The following KCNU1 variants were observed in gnomAD, a reference collection of about 807,000 sequenced individuals.
KCNU1 encodes potassium channel subfamily U member 1.
Under a neutral mutation model 126.8 loss-of-function variants are expected in KCNU1, and 93 were observed. The ratio of observed to expected loss-of-function variants is 0.73; its 90% CI spans 0.62 to 0.87. The LOEUF (loss-of-function observed/expected upper bound fraction) is 0.87. Ranked by LOEUF, KCNU1 falls within the 40% of genes least tolerant of loss-of-function variation. The pLI is 0.00. For missense variants in KCNU1, 1,330 were observed against 1,367.1 expected (o/e 0.97, Z 0.43); for synonymous variants, 523 against 494.2 (o/e 1.06, Z -0.77).
At chr8:36,788,335 G>A (rs1394403493) in intron 2 of KCNU1, among the ~76,000 whole-genome samples, 2 of 152,084 alleles carry the variant, frequency 1.3e-5, no homozygotes, top group Admixed American at 6.5e-5. Flanking sequence ...GTGAGCTCCT[G>A]TCTAGACTAT....
chr8:36,921,306 A>C (rs1808335874), intron 23 of KCNU1, among the ~76,000 whole-genome samples: 1 of 152,178 alleles, frequency 6.6e-6, no homozygotes, highest in Non-Finnish European at 1.5e-5. Flanking sequence ...ACCTGAGCTC[A>C]GGAAACCAGA....
At chr8:36,805,066 TCTTAA>T (rs1012788085) in intron 3 of KCNU1, 124 bp from the exon 4 acceptor site, 46 of 603,204 alleles carry the variant, frequency 7.6e-5, no homozygotes, top group South Asian at 5.7e-4. Flanking sequence ...TTCCTTGAGA[TCTTAA>T]CTTAAGTGTC....
chr8:36,831,486 G>A (rs1055733446), intron 10 of KCNU1, among the ~76,000 whole-genome samples: 4 of 152,096 alleles, frequency 2.6e-5, no homozygotes, highest in Non-Finnish European at 5.9e-5. Flanking sequence ...TTGTGGTTTG[G>A]ATTTGCATTT....
intron 19 of KCNU1, among the ~76,000 whole-genome samples, chr8:36,866,517 A>C (rs1410132369): frequency 6.6e-6 from 1 of 152,288 alleles, no homozygotes. Flanking sequence ...GAAGTAGTTG[A>C]AGGAAAGGTC....
intron 2 of KCNU1, 77 bp from the exon 3 acceptor site, chr8:36,803,950 G>A: frequency 3.1e-6 from 3 of 970,784 alleles, no homozygotes; most frequent in Non-Finnish European, 4.8e-6. Context: ...ATGGTAAAAA[G>A]AGAAAACACA....
In KCNU1 at chr8:36,921,114, A is replaced by C. The variant is rs550037587; in HGVS notation, c.2597-1376A>C. ...CATGGATGCTGGCAGAAGATATAAGACTCCTGGATCAGAGACCAAAACAAA... is the reference window on the plus strand; with the variant it reads ...CATGGATGCTGGCAGAAGATATAAGCCTCCTGGATCAGAGACCAAAACAAA... On this transcript the variant is annotated intron_variant, in intron 23 of 26. Coordinates refer to ENST00000399881, the MANE Select transcript of KCNU1 (RefSeq NM_001031836.3). 2.5e-4 allele frequency among the ~76,000 whole-genome samples: 38 copies of C among 152,122 alleles called. No individual in the cohort carries two copies. The South Asian group carries it at 7.9e-3, about 32-fold the overall frequency.
intron 18 of KCNU1, among the ~76,000 whole-genome samples, chr8:36,859,656 A>G (rs898228614): frequency 2.0e-5 from 3 of 152,272 alleles, no homozygotes; most frequent in South Asian, 2.1e-4. Context: ...CCAAACTAGA[A>G]CCACACTAGA....
intron 18 of KCNU1, among the ~76,000 whole-genome samples, chr8:36,855,650 C>T (rs1805502116): frequency 5.3e-5 from 8 of 151,966 alleles, no homozygotes; most frequent in Admixed American, 5.2e-4. Context: ...TTCAAGGCTC[C>T]TGTTGGTTAG....
At chr8:36,876,678 C>T (rs897696461) in intron 19 of KCNU1, among the ~76,000 whole-genome samples, 2 of 152,158 alleles carry the variant, frequency 1.3e-5, no homozygotes, top group African/African-American at 4.8e-5. Context: ...CTTTCCTCTC[C>T]TTCAGTTCAC....
chr8:36,811,137 A>C (rs1470320816), intron 7 of KCNU1, among the ~76,000 whole-genome samples: 1 of 152,164 alleles, frequency 6.6e-6, no homozygotes, highest in African/African-American at 2.4e-5. Flanking sequence ...AGATACTCAA[A>C]TGTTTGTAAA....
intron 19 of KCNU1, among the ~76,000 whole-genome samples, chr8:36,886,877 T>G (rs1806725570): frequency 6.6e-6 from 1 of 152,178 alleles, no homozygotes; most frequent in Admixed American, 6.5e-5. Flanking sequence ...TAGCTCCCAC[T>G]TAGAAGTCAG....
At chr8:36,934,057 T>C (rs772325711) in intron 26 of KCNU1, among the ~76,000 whole-genome samples, 15 of 152,208 alleles carry the variant, frequency 9.9e-5, no homozygotes, top group East Asian at 1.9e-4. Context: ...GAATAGTAGA[T>C]GTACTCAGAG....
intron 19 of KCNU1, among the ~76,000 whole-genome samples, chr8:36,876,909 G>A (rs1044609265): frequency 2.6e-5 from 4 of 152,190 alleles, no homozygotes; most frequent in African/African-American, 9.6e-5. Flanking sequence ...AGATGTTGGT[G>A]ATGGGAGCAC....
intron 19 of KCNU1, among the ~76,000 whole-genome samples, chr8:36,884,853 T>C (rs1042511700): frequency 6.6e-6 from 1 of 152,148 alleles, no homozygotes; most frequent in East Asian, 1.9e-4. Flanking sequence ...AGGAAAGCTG[T>C]GGTTGAATTT....
rs776443159 is a variant in KCNU1 at position 36,932,976 on chromosome 8, G to A, written c.2988G>A (p.Leu996=). 1.5e-5 allele frequency: 23 copies of A among 1,576,760 alleles called. No individual in the cohort carries two copies. The highest frequency in any genetic ancestry group is 9.2e-5 in the East Asian group (4 of 43,624). Residue 996 remains leucine, a synonymous_variant, in exon 26 of 27, where the codon CTG becomes CTA. Transcript: ENST00000399881. The part of the protein sequence containing the change: ...FCGSLDLFGI[L]CVGLYRIIDE... The stretch of plus-strand genomic sequence containing the variant: ...GCTCATTAGATCTTTTTGGAATCCT[G>A]TGTGTTGGCTTATACCGAATAATTG...
At chr8:36,931,984 T>C (rs2117616637) in intron 25 of KCNU1, among the ~76,000 whole-genome samples, 1 of 152,244 alleles carries the variant, frequency 6.6e-6, no homozygotes, top group East Asian at 1.9e-4. Flanking sequence ...TTAATTGGCA[T>C]TGCATTCAGT....
At chr8:36,864,370 G>A in intron 18 of KCNU1, 34 bp from the exon 19 acceptor site, 1 of 1,244,266 alleles carries the variant, frequency 8.0e-7, no homozygotes, top group Non-Finnish European at 1.2e-6. Flanking sequence ...GTGAAGAGAT[G>A]TGCCAACTCA....
chr8:36,888,500 A>C (rs749923853), intron 19 of KCNU1: 3 of 522,586 alleles, frequency 5.7e-6, no homozygotes, highest in Non-Finnish European at 1.2e-5. Flanking sequence ...CCAGGACCTC[A>C]TCAGCCACAA....
chr8:36,834,725 G>A (rs1348012951), intron 11 of KCNU1, 61 bp from the exon 12 acceptor site: 17 of 1,057,550 alleles, frequency 1.6e-5, no homozygotes, highest in Non-Finnish European at 2.4e-5. Flanking sequence ...CCCGAAAGGG[G>A]AAGACCAGAG....
Sources: allele counts gnomAD v4.1 joint callset (sites outside exome capture counted in the v4.1 genomes callset), GRCh38; gene constraint gnomAD v4.1.1; transcripts MANE v1.5; gene names NCBI Gene and HGNC (gene_info 2026-07-23, HGNC 2026-07-21).